RAD18: variants seen among roughly 807,000 people sequenced by gnomAD.
The protein encoded by RAD18 is E3 ubiquitin-protein ligase RAD18.
In RAD18, 47 loss-of-function variants were observed where a neutral mutation model predicts 60.4. That is an observed-to-expected ratio of 0.78 (90% CI 0.62 to 0.99). The LOEUF is 0.99. Ranked by LOEUF, RAD18 falls within the 50% of genes least tolerant of loss-of-function variation. The pLI, the probability that RAD18 is intolerant of heterozygous loss-of-function variation, is 0.00. For synonymous variants in RAD18, 225 were observed against 195.5 expected (o/e 1.15, Z -1.26); for missense variants, 640 against 593.3 (o/e 1.08, Z -0.82).
chr3:8,949,124 C>T (rs1052220036), intron 2 of RAD18, among the ~76,000 whole-genome samples: 2 of 152,122 alleles, frequency 1.3e-5, no homozygotes, highest in African/African-American at 2.4e-5. Flanking sequence ...CAGCATAATT[C>T]CGCATAATAT....
At chr3:8,955,410 A>G (rs767251250) in intron 2 of RAD18, among the ~76,000 whole-genome samples, 1 of 151,928 alleles carries the variant, frequency 6.6e-6, no homozygotes, top group African/African-American at 2.4e-5. Flanking sequence ...TGCTAAGAAT[A>G]AAAAAAAGCT....
chr3:8,900,995 T>C (rs1283633602), intron 10 of RAD18, among the ~76,000 whole-genome samples: 3 of 152,232 alleles, frequency 2.0e-5, no homozygotes, highest in African/African-American at 4.8e-5. Flanking sequence ...AACTAGTTTC[T>C]AGAAATATCC....
intron 11 of RAD18, among the ~76,000 whole-genome samples, chr3:8,897,614 C>T (rs1939812190): frequency 6.6e-6 from 1 of 152,116 alleles, no homozygotes; most frequent in South Asian, 2.1e-4. Context: ...GAATCTTTTC[C>T]TGATTTCTAT....
rs1425637711 is a variant in RAD18, at chr3:8,891,088, A to G, written c.1323-637T>C. On this transcript the variant is annotated intron_variant, in intron 11 of 12. Coordinates refer to ENST00000264926, the MANE Select transcript of RAD18 (RefSeq NM_020165.4). ...ATATATATATAAAATATATATATAT[A>G]TATATATATCTGTGTTTTATGCATA... Among the ~76,000 whole-genome samples, 3 of 149,928 alleles carry G rather than the reference A, an allele frequency of 2.0e-5. No homozygotes were observed. The South Asian group carries it at 6.2e-4, about 31-fold the overall frequency.
intron 2 of RAD18, among the ~76,000 whole-genome samples, chr3:8,954,411 A>G (rs1215457437): frequency 6.6e-6 from 1 of 152,214 alleles, no homozygotes; most frequent in African/African-American, 2.4e-5. Flanking sequence ...AAATATTTTG[A>G]TCATCTTCCA....
intron 7 of RAD18, among the ~76,000 whole-genome samples, chr3:8,914,989 A>T (rs572810): frequency 0.15 from 2,911 of 19,068 alleles, 85 homozygotes; most frequent in African/African-American, 0.32. Context: ...ATAAAAAAAA[A>T]TTTTTTAAAA....
At chr3:8,899,217 C>T (rs929023929) in intron 10 of RAD18, among the ~76,000 whole-genome samples, 170 bp from the exon 11 acceptor site, 7 of 152,110 alleles carry the variant, frequency 4.6e-5, no homozygotes, top group African/African-American at 1.7e-4. Flanking sequence ...TACAATGGTG[C>T]TATCTAATTA....
In RAD18 at chr3:8,930,690, T is replaced by C. The variant is rs371163720; in HGVS notation, c.889+5181A>G. 3.9e-5 allele frequency among the ~76,000 whole-genome samples: 6 copies of C among 152,282 alleles called. No individual in the cohort carries two copies. The East Asian group carries it at 1.2e-3, about 29-fold the overall frequency. ...ACAATTCAACACGCCTTCATAATAATAAACTAGGAAGGGAAGAAATGTCCT... is the reference window on the plus strand; with the variant it reads ...ACAATTCAACACGCCTTCATAATAACAAACTAGGAAGGGAAGAAATGTCCT... On this transcript the variant is annotated intron_variant, in intron 7 of 12. Transcript: ENST00000264926.
chr3:8,887,651 C>T (rs1255008253), intron 12 of RAD18, among the ~76,000 whole-genome samples: 1 of 152,158 alleles, frequency 6.6e-6, no homozygotes, highest in Non-Finnish European at 1.5e-5. Context: ...TCAACAAACA[C>T]CCTTAGAGAA....
intron 1 of RAD18, among the ~76,000 whole-genome samples, chr3:8,959,377 A>G (rs1473267014): frequency 6.6e-6 from 1 of 152,246 alleles, no homozygotes; most frequent in Non-Finnish European, 1.5e-5. Flanking sequence ...TATAGTCACT[A>G]TTGGGTGAAA....
chr3:8,898,610 C>T (rs1344601879), intron 11 of RAD18, among the ~76,000 whole-genome samples: 1 of 151,988 alleles, frequency 6.6e-6, no homozygotes, highest in Admixed American at 6.6e-5. Context: ...ATCGTCTTGA[C>T]AAAAATTTCA....
chr3:8,923,486 C>A (rs945984452), intron 7 of RAD18, among the ~76,000 whole-genome samples: 1 of 152,160 alleles, frequency 6.6e-6, no homozygotes, highest in African/African-American at 2.4e-5. Flanking sequence ...TTGGAAAACA[C>A]TCTGCAGGAT....
intron 10 of RAD18, among the ~76,000 whole-genome samples, chr3:8,901,660 A>T (rs1052382109): frequency 3.3e-5 from 5 of 152,174 alleles, no homozygotes; most frequent in African/African-American, 1.2e-4. Context: ...GGGACGGAAG[A>T]GTTGCTATTT....
intron 9 of RAD18, among the ~76,000 whole-genome samples, chr3:8,903,772 T>G (rs1417205504): frequency 1.3e-5 from 2 of 152,212 alleles, no homozygotes; most frequent in African/African-American, 4.8e-5. Flanking sequence ...TATAAAATTT[T>G]TAGGGAGAAC....
chr3:8,949,384 T>C (rs949090664), intron 2 of RAD18, among the ~76,000 whole-genome samples: 4 of 152,150 alleles, frequency 2.6e-5, no homozygotes, highest in Admixed American at 2.0e-4. Flanking sequence ...ATAATTTCAA[T>C]GGTATGGATA....
chr3:8,890,615 G>A (rs145126179), intron 11 of RAD18, among the ~76,000 whole-genome samples, 164 bp from the exon 12 acceptor site: 168 of 152,312 alleles, frequency 1.1e-3, no homozygotes, highest in African/African-American at 3.9e-3. Context: ...AGGAAAGAGA[G>A]AGCCAAATGT....
At chr3:8,945,549 G>A (rs187941554) in intron 4 of RAD18, among the ~76,000 whole-genome samples, 255 of 134,280 alleles carry the variant, frequency 1.9e-3, no homozygotes, top group Admixed American at 8.1e-3. Context: ...TCGGCTCACT[G>A]CAACCTCCAA....
chr3:8,887,985 A>C (rs1485043178), intron 12 of RAD18, among the ~76,000 whole-genome samples: 1 of 152,138 alleles, frequency 6.6e-6, no homozygotes, highest in South Asian at 2.1e-4. Context: ...TGCCTTAATC[A>C]TGCCAGGGCC....
At chr3:8,918,008 G>A (rs1940237286) in intron 7 of RAD18, among the ~76,000 whole-genome samples, 1 of 152,182 alleles carries the variant, frequency 6.6e-6, no homozygotes, top group Non-Finnish European at 1.5e-5. Context: ...AACAATGAAT[G>A]TTATCAGGGA....
Sources: allele counts gnomAD v4.1 joint callset (sites outside exome capture counted in the v4.1 genomes callset), GRCh38; gene constraint gnomAD v4.1.1; transcripts MANE v1.5; gene names NCBI Gene and HGNC (gene_info 2026-07-23, HGNC 2026-07-21).